Variants in DIPK1A observed in about 807,000 individuals in gnomAD.
The protein encoded by DIPK1A is family with sequence similarity 69 member A.
DIPK1A carries 27 observed loss-of-function variants against 40.8 expected under a neutral mutation model. The ratio of observed to expected loss-of-function variants is 0.66; its 90% confidence interval spans 0.49 to 0.91. DIPK1A has a LOEUF of 0.91. Ranked by LOEUF, DIPK1A falls within the 40% of genes least tolerant of loss-of-function variation. DIPK1A has a pLI of 0.00. For missense variants in DIPK1A, 412 were observed against 505.7 expected, an observed-to-expected ratio of 0.81 and a Z score of 1.78; for synonymous variants, 166 against 171.3, an observed-to-expected ratio of 0.97 and a Z score of 0.24.
chr1:92,958,290 G>T (rs1266932113), intron 1 of DIPK1A, among the ~76,000 whole-genome samples: 2 of 152,148 alleles, frequency 1.3e-5, no homozygotes, highest in African/African-American at 4.8e-5. Flanking sequence ...AAAATACTGA[G>T]AATGAAGTTC....
At chr1:92,937,292 T>C (rs11577636) in intron 1 of DIPK1A, among the ~76,000 whole-genome samples, 52,889 of 151,594 alleles carry the variant, frequency 0.35, 9,630 homozygotes, top group African/African-American at 0.38. Flanking sequence ...GCCCTGTCTC[T>C]ACTAAAAAAT....
intron 1 of DIPK1A, among the ~76,000 whole-genome samples, chr1:92,959,025 C>T (rs959109587): frequency 2.0e-5 from 3 of 152,202 alleles, no homozygotes; most frequent in African/African-American, 7.2e-5. Context: ...ATGGCTCATG[C>T]CTGTAATCCC....
intron 1 of DIPK1A, among the ~76,000 whole-genome samples, chr1:92,907,447 A>G (rs949381932): frequency 2.6e-5 from 4 of 152,104 alleles, no homozygotes; most frequent in African/African-American, 4.8e-5. Context: ...TTAATTAAAA[A>G]AAGTTTTTTA....
intron 1 of DIPK1A, among the ~76,000 whole-genome samples, chr1:92,940,007 A>G (rs1651091933): frequency 6.6e-6 from 1 of 152,172 alleles, no homozygotes; most frequent in Non-Finnish European, 1.5e-5. Context: ...ACTATAACTA[A>G]TCCTTTAAGT....
In DIPK1A at chr1:92,845,277, AATT is replaced by A. The variant is rs550890192; in HGVS notation, c.475-1085_475-1083del. On this transcript the variant is annotated intron_variant, in intron 4 of 4. Coordinates refer to ENST00000370310, the MANE Select transcript of DIPK1A (RefSeq NM_001006605.5). ...TGGTATTCCTTTAAATTAAAAAAAT[AATT>A]TGCAGAGTACCGTTTTTTTTTTTTT... is the stretch of plus-strand genomic sequence containing the variant. 1.3e-3 allele frequency among the ~76,000 whole-genome samples: 176 copies of A among 138,506 alleles called. 1 individual carries two copies. The highest frequency in any genetic ancestry group is 4.4e-3 in the African/African-American group (167 of 37,760). 90.9% of individuals were successfully genotyped at this position (138,506 alleles called of 152,430 possible).
At chr1:92,874,667 CT>C (rs992887453) in intron 2 of DIPK1A, among the ~76,000 whole-genome samples, 1 of 152,142 alleles carries the variant, frequency 6.6e-6, no homozygotes, top group Non-Finnish European at 1.5e-5. Flanking sequence ...CTGTTTCCTC[CT>C]TCTTCACTGA....
intron 2 of DIPK1A, among the ~76,000 whole-genome samples, chr1:92,859,787 T>C (rs1351998454): frequency 6.6e-6 from 1 of 152,224 alleles, no homozygotes; most frequent in Non-Finnish European, 1.5e-5. Flanking sequence ...CACTGCAGCC[T>C]TGACCTCCTG....
intron 1 of DIPK1A, among the ~76,000 whole-genome samples, chr1:92,911,934 G>A (rs1232626261): frequency 1.3e-5 from 2 of 148,918 alleles, no homozygotes; most frequent in Non-Finnish European, 3.0e-5. Context: ...AACCCAGGAG[G>A]CAGAGGTTGC....
At position 92,878,368 on chromosome 1, in the gene DIPK1A, G is replaced by A. The variant is rs1055645861; in HGVS notation, c.55-1938C>T. Among the ~76,000 whole-genome samples the A allele has an allele frequency of 1.3e-5, 2 of 152,088 alleles. 1 individual carries two copies. Among genetic ancestry groups the A allele is most frequent in the African/African-American group, 4.8e-5 (2 of 41,398 alleles). On this transcript the variant is annotated intron_variant, in intron 1 of 4. Coordinates refer to ENST00000370310, the MANE Select transcript of DIPK1A (RefSeq NM_001006605.5). Reference sequence around the variant, plus strand: ...GAGATCAGTCTGGACAATATAGTGAGACATTGTCTCTATGAAAAAATTTAA... The same window carrying A: ...GAGATCAGTCTGGACAATATAGTGAAACATTGTCTCTATGAAAAAATTTAA...
At chr1:92,952,577 G>T (rs977979098) in intron 1 of DIPK1A, among the ~76,000 whole-genome samples, 1 of 152,146 alleles carries the variant, frequency 6.6e-6, no homozygotes, top group African/African-American at 2.4e-5. Flanking sequence ...ATTGAGCCAT[G>T]ATGACGCCAC....
chr1:92,842,414 A>G lies in DIPK1A; in HGVS notation c.*969T>C, dbSNP rs144620461. On this transcript the variant is annotated 3_prime_UTR_variant, in exon 5 of 5. Transcript: ENST00000370310. ...TGAAAGGTACATGCCAAATCTGAGT[A>G]TACGTGTGAAAATAATATGAAAGAG... 1.0e-6 allele frequency: 1 copy of G among 980,538 alleles called. No individual in the cohort carries two copies. Among genetic ancestry groups the G allele is most frequent in the East Asian group, 1.1e-4 (1 of 8,796 alleles). The allele number at this position is 980,538 out of a possible 1,614,324, so 60.7% of individuals were successfully genotyped here.
rs369472760 is a variant in DIPK1A at position 92,847,299 on chromosome 1, G to A, written c.358C>T (p.Leu120Phe). 5.6e-6 allele frequency: 9 copies of A among 1,612,098 alleles called. No homozygotes were observed. In the African/African-American group the frequency reaches 1.2e-4, roughly 22 times the overall value. Residue 120 changes from leucine to phenylalanine, a missense_variant, in exon 4 of 5, where the codon CTT becomes TTT. Physicochemically the swap from Leu to Phe is conservative, Grantham distance 22 (BLOSUM62 0). Transcript: ENST00000370310. ...AATTCAGTTCCAAAATCAAGATGAA[G>A]CGCTTGTTCCATTTGACATTTCACA... is the stretch of plus-strand genomic sequence containing the variant. The part of the protein sequence containing the change: ...GVVKCQMEQA[L>F]HLDFGTELEP...
At chr1:92,845,532 G>A (rs1441490437) in intron 4 of DIPK1A, 44 of 262,022 alleles carry the variant, frequency 1.7e-4, no homozygotes, top group African/African-American at 1.0e-3. Context: ...AAAAAAAACC[G>A]TCTCTGCTGA....
chr1:92,909,405 G>A (rs767223551), intron 1 of DIPK1A, among the ~76,000 whole-genome samples: 1 of 152,136 alleles, frequency 6.6e-6, no homozygotes, highest in Non-Finnish European at 1.5e-5. Flanking sequence ...AAGCCAAACG[G>A]GTCCAGGCTG....
chr1:92,923,302 G>A (rs1650343494), intron 1 of DIPK1A, among the ~76,000 whole-genome samples: 1 of 151,872 alleles, frequency 6.6e-6, no homozygotes, highest in Admixed American at 6.6e-5. Context: ...CCACGCCTGG[G>A]TAATTTTTGT....
intron 1 of DIPK1A, among the ~76,000 whole-genome samples, chr1:92,909,379 A>G (rs1281435139): frequency 6.6e-6 from 1 of 152,234 alleles, no homozygotes; most frequent in East Asian, 1.9e-4. Flanking sequence ...AGGTGCCCAG[A>G]AAATACACAC....
chr1:92,909,368 G>A (rs754530440), intron 1 of DIPK1A, among the ~76,000 whole-genome samples: 6 of 152,198 alleles, frequency 3.9e-5, no homozygotes, highest in South Asian at 4.1e-4. Context: ...ACATCAAAAT[G>A]AGGTGCCCAG....
intron 1 of DIPK1A, among the ~76,000 whole-genome samples, chr1:92,934,458 G>A (rs1381166296): frequency 6.6e-6 from 1 of 151,818 alleles, no homozygotes; most frequent in African/African-American, 2.4e-5. Flanking sequence ...TTTAAATCTA[G>A]GAGACTAGTT....
chr1:92,854,161 A>T (rs1243100328), intron 2 of DIPK1A, among the ~76,000 whole-genome samples: 2 of 152,232 alleles, frequency 1.3e-5, no homozygotes, highest in African/African-American at 4.8e-5. Context: ...TGCTAGATCT[A>T]CAGGCATGAG....
Sources: gnomAD v4.1 joint callset for allele counts (sites outside exome capture counted in the v4.1 genomes callset) on GRCh38, gnomAD v4.1.1 for gene constraint, MANE v1.5 for transcripts, NCBI Gene and HGNC (gene_info 2026-07-23, HGNC 2026-07-21) for gene names.